CDKL5: variants seen among roughly 807,000 people sequenced by gnomAD.
The protein encoded by CDKL5 is cyclin dependent kinase like 5, also known as cyclin-dependent kinase-like 5.
In CDKL5, 8 loss-of-function variants were observed where a neutral mutation model predicts 61.7. That is an observed-to-expected ratio of 0.13 (90% CI 0.08 to 0.23). The LOEUF is 0.23. CDKL5 is among the 10% of genes least tolerant of loss of function. The probability of loss-of-function intolerance (pLI) is 1.00; values close to 1 mark genes in which losing one functional copy is unlikely to be tolerated. For synonymous variants in CDKL5, 275 were observed against 272.3 expected, an observed-to-expected ratio of 1.01 and a Z score of -0.10; for missense variants, 440 against 734.5, an observed-to-expected ratio of 0.60 and a Z score of 4.63.
intron 1 of CDKL5, among the ~76,000 whole-genome samples, chrX:18,473,899 CT>C (rs202083135): frequency 0.023 from 2,231 of 96,002 alleles, 51 homozygotes; most frequent in African/African-American, 0.063. Context: ...AACTTCGGTT[CT>C]TTTTTTTTTT....
chrX:18,474,513 C>T (rs1245395158), intron 1 of CDKL5, among the ~76,000 whole-genome samples: 2 of 112,074 alleles, frequency 1.8e-5, no homozygotes, highest in Non-Finnish European at 3.8e-5. Flanking sequence ...CTCCTTAAAA[C>T]CTTCAATAAT....
intron 1 of CDKL5, among the ~76,000 whole-genome samples, chrX:18,495,767 G>T (rs1358565573): frequency 1.9e-4 from 21 of 111,585 alleles, no homozygotes. Flanking sequence ...ATTTTTACAT[G>T]GGACAGATTT....
rs769534426 is a variant in CDKL5, at chrX:18,589,833, C to G, written c.744+1690C>G. 8.9e-5 allele frequency: 10 copies of G among 112,844 alleles called. No individual in the cohort carries two copies. The East Asian group carries it at 2.8e-3, about 32-fold the overall frequency. The allele number at this position is 112,844 out of a possible 1,213,427, so 9.3% of individuals were successfully genotyped here. ...GACTTTTTAATGATCACCATTCTAA[C>G]TGGTGTGAGATGGTATCTCATTGTG... On this transcript the variant is annotated intron_variant, in intron 9 of 17. Transcript: ENST00000623535.
At chrX:18,492,235 A>C (rs1922018904) in intron 1 of CDKL5, among the ~76,000 whole-genome samples, 1 of 110,945 alleles carries the variant, frequency 9.0e-6, no homozygotes, top group Non-Finnish European at 1.9e-5. Context: ...TGTAAATTTG[A>C]GTAACTTTTT....
intron 11 of CDKL5, among the ~76,000 whole-genome samples, chrX:18,601,877 C>T (rs1047169862): frequency 8.9e-6 from 1 of 111,739 alleles, no homozygotes; most frequent in Non-Finnish European, 1.9e-5. Context: ...GAGCTGAGGA[C>T]GTTTCCCAAT....
intron 3 of CDKL5, among the ~76,000 whole-genome samples, chrX:18,516,840 G>A (rs990492748): frequency 8.9e-6 from 1 of 111,811 alleles, no homozygotes; most frequent in African/African-American, 3.3e-5. Flanking sequence ...GGGTTCAAGT[G>A]ATCTCCTGCC....
chrX:18,489,126 G>GT (rs953745167), intron 1 of CDKL5, among the ~76,000 whole-genome samples: 13 of 109,702 alleles, frequency 1.2e-4, no homozygotes, highest in Admixed American at 2.9e-4. Context: ...TTTTAAGTCT[G>GT]TTTTTTTTGG....
intron 1 of CDKL5, among the ~76,000 whole-genome samples, chrX:18,478,674 GCTTT>G (rs1399824774): frequency 9.5e-6 from 1 of 104,965 alleles, no homozygotes; most frequent in African/African-American, 3.5e-5. Context: ...TTCTCTTGTT[GCTTT>G]CTTTTTTTTT....
intron 4 of CDKL5, among the ~76,000 whole-genome samples, chrX:18,571,866 T>C (rs1925143988): frequency 8.9e-6 from 1 of 111,843 alleles, no homozygotes; most frequent in Non-Finnish European, 1.9e-5. Context: ...CTTTTAATAC[T>C]ATGACTGGCA....
intron 1 of CDKL5, among the ~76,000 whole-genome samples, chrX:18,451,713 AT>A (rs974575462): frequency 9.2e-6 from 1 of 109,175 alleles, no homozygotes; most frequent in African/African-American, 3.3e-5. Context: ...AATTTTTGTA[AT>A]TTTTGGTAGA....
chrX:18,652,498 A>T (rs751442613), intron 21 of CDKL5, among the ~76,000 whole-genome samples: 1 of 111,472 alleles, frequency 9.0e-6, no homozygotes, highest in African/African-American at 3.3e-5. Flanking sequence ...GTGAAACCCC[A>T]TCTCTACTAA....
intron 15 of CDKL5, 23 bp from the exon 16 acceptor site, chrX:18,619,844 G>A (rs1299687780): frequency 8.0e-6 from 8 of 999,407 alleles, no homozygotes; most frequent in Non-Finnish European, 1.1e-5. Flanking sequence ...AAATCAATAT[G>A]ATAAAAATGT....
intron 3 of CDKL5, among the ~76,000 whole-genome samples, chrX:18,518,385 C>CTTTTCTTTT (rs1195931109): frequency 4.4e-5 from 1 of 22,794 alleles, no homozygotes; most frequent in Admixed American, 5.6e-4. Context: ...CTTTTCTTTT[C>CTTTTCTTTT]TTATTTTTTT....
intron 1 of CDKL5, among the ~76,000 whole-genome samples, chrX:18,440,211 G>T (rs1418772098): frequency 1.8e-5 from 2 of 112,223 alleles, no homozygotes; most frequent in Non-Finnish European, 3.8e-5. Flanking sequence ...CAAGCCTGCT[G>T]CTGCTTTATC....
At chrX:18,559,475 G>A (rs143292190) in intron 3 of CDKL5, among the ~76,000 whole-genome samples, 1,145 of 110,939 alleles carry the variant, frequency 0.01, 6 homozygotes, top group Non-Finnish European at 0.014. Context: ...TCAGAGTGCT[G>A]GGATTACAGG....
chrX:18,439,793 C>T (rs1195568232), intron 1 of CDKL5, among the ~76,000 whole-genome samples: 1 of 100,632 alleles, frequency 9.9e-6, no homozygotes, highest in South Asian at 4.8e-4. Context: ...GCTGGGATTG[C>T]ATCACTGCAC....
chrX:18,579,017 TCA>T (rs1178245516), intron 5 of CDKL5, among the ~76,000 whole-genome samples: 1 of 111,628 alleles, frequency 9.0e-6, no homozygotes, highest in African/African-American at 3.3e-5. Context: ...AAGGCAAACA[TCA>T]CAGTCTTATT....
intron 17 of CDKL5, among the ~76,000 whole-genome samples, chrX:18,626,241 G>A (rs1209173223): frequency 2.7e-5 from 3 of 109,877 alleles, no homozygotes; most frequent in Non-Finnish European, 3.8e-5. Context: ...CTAATTTTTC[G>A]AATTTTTGGT....
Position 18,506,987 on chromosome X carries a change from C to T in CDKL5, c.-110C>T. 1.8e-6 allele frequency: 1 copy of T among 566,937 alleles called. No individual in the cohort carries two copies. The highest frequency in any genetic ancestry group is 3.1e-6 in the Non-Finnish European group (1 of 318,252). The allele number at this position is 566,937 out of a possible 1,213,427, so 46.7% of individuals were successfully genotyped here. ...ACAAATATGTGAAAGTTCCCACCAA[C>T]CAGTGAGAATTTCTTCCTTCAGACG... On this transcript the variant is annotated 5_prime_UTR_variant, in exon 2 of 18. Coordinates refer to ENST00000623535, the MANE Select transcript of CDKL5 (RefSeq NM_001323289.2).
Sources: gnomAD v4.1 joint callset for allele counts (sites outside exome capture counted in the v4.1 genomes callset) on GRCh38, gnomAD v4.1.1 for gene constraint, MANE v1.5 for transcripts, NCBI Gene and HGNC (gene_info 2026-07-23, HGNC 2026-07-21) for gene names.